LRP2: variants seen among roughly 807,000 people sequenced by gnomAD.
LRP2 encodes the protein LDL receptor related protein 2, also known as low-density lipoprotein receptor-related protein 2.
In LRP2, 172 loss-of-function variants were observed where a neutral mutation model predicts 531.0. The ratio of observed to expected loss-of-function variants is 0.32; its 90% CI spans 0.29 to 0.37. LRP2 has a LOEUF of 0.37. Ranked by LOEUF, LRP2 falls within the 10% of genes least tolerant of loss-of-function variation. LRP2 has a pLI of 1.00. For missense variants in LRP2, 5,167 were observed against 5,868.3 expected, an observed-to-expected ratio of 0.88 and a Z score of 3.90; for synonymous variants, 1,992 against 2,027.6, an observed-to-expected ratio of 0.98 and a Z score of 0.47.
In LRP2 at chr2:169,202,783, C is replaced by T. The variant is rs952565152; in HGVS notation, c.8182G>A (p.Gly2728Ser). The T allele has an allele frequency of 6.2e-7, 1 of 1,614,070 alleles. No individual in the cohort carries two copies. The highest frequency in any genetic ancestry group is 1.3e-5 in the African/African-American group (1 of 74,920). Residue 2728 changes from glycine to serine, a missense_variant, in exon 43 of 79, where the codon GGC (glycine) becomes AGC (serine). Around this residue, in one of 6 missense-constraint regions of LRP2, gnomAD observed 1,129 missense variants for 1,362.7 expected, o/e 0.83. Coordinates refer to ENST00000649046, the MANE Select transcript of LRP2 (RefSeq NM_004525.3). ...KCDNDNDCGD[G>S]SDEMESVCAL... is the part of the protein sequence containing the mutation. ...CAGACACTTTCCATCTCATCACTGCCATCCCCACAGTCGTTGTCATTATCA... is the reference window on the plus strand; with the variant it reads ...CAGACACTTTCCATCTCATCACTGCTATCCCCACAGTCGTTGTCATTATCA...
intron 76 of LRP2, among the ~76,000 whole-genome samples, chr2:169,133,642 T>C (rs138773629): frequency 2.0e-5 from 3 of 152,316 alleles, no homozygotes; most frequent in Non-Finnish European, 4.4e-5. Context: ...AAGGCCATAG[T>C]TGTTGTGACA....
chr2:169,139,233 C>T lies in LRP2; in HGVS notation c.13388+18G>A, dbSNP rs771439996. ...TTCTTAGGCTTCAAACATCAACGTT[C>T]CCCATAATGAAACTGACCTTGGCAG... On this transcript the variant is annotated intron_variant, in intron 74 of 78. Coordinates refer to ENST00000649046, the MANE Select transcript of LRP2 (RefSeq NM_004525.3). The T allele has an allele frequency of 1.3e-5, 21 of 1,614,000 alleles. No homozygotes were observed. Among genetic ancestry groups the T allele is most frequent in the Non-Finnish European group, 1.7e-5 (20 of 1,179,986 alleles).
intron 67 of LRP2, 99 bp downstream of exon 67, chr2:169,152,700 C>T (rs1686188336): frequency 2.2e-6 from 3 of 1,372,118 alleles, no homozygotes; most frequent in Non-Finnish European, 3.1e-6. Flanking sequence ...TGAGTGTACT[C>T]ATATCCAGGC....
chr2:169,263,413 A>G (rs1217688583), intron 16 of LRP2, among the ~76,000 whole-genome samples: 1 of 151,162 alleles, frequency 6.6e-6, no homozygotes, highest in Non-Finnish European at 1.5e-5. Context: ...AAAACAAACA[A>G]CCCCATCAAA....
chr2:169,186,755 T>A (rs1276147974), intron 49 of LRP2, among the ~76,000 whole-genome samples: 1 of 152,154 alleles, frequency 6.6e-6, no homozygotes, highest in Non-Finnish European at 1.5e-5. Flanking sequence ...GTTGTAAGAG[T>A]GAATGTTTCA....
intron 1 of LRP2, among the ~76,000 whole-genome samples, chr2:169,339,752 A>G (rs1337904339): frequency 6.6e-6 from 1 of 152,188 alleles, no homozygotes; most frequent in Non-Finnish European, 1.5e-5. Flanking sequence ...ATAAATTTGG[A>G]AATTGTTTCT....
intron 75 of LRP2, 43 bp downstream of exon 75, chr2:169,138,534 A>G (rs760285324): frequency 5.6e-5 from 90 of 1,607,856 alleles, no homozygotes; most frequent in Non-Finnish European, 7.1e-5. Flanking sequence ...TATTTATTCT[A>G]TAAATGACAA....
chr2:169,308,197 C>A (rs1180790378), intron 3 of LRP2, among the ~76,000 whole-genome samples: 1 of 151,742 alleles, frequency 6.6e-6, no homozygotes, highest in African/African-American at 2.4e-5. Flanking sequence ...TCAATTTTTA[C>A]AAAACTTCTT....
chr2:169,235,529 G>A (rs1467514499), intron 29 of LRP2, among the ~76,000 whole-genome samples: 4 of 152,156 alleles, frequency 2.6e-5, no homozygotes, highest in Admixed American at 6.5e-5. Context: ...GTGAGCCACC[G>A]CGCCCGGCCA....
In LRP2 at chr2:169,241,335, T is replaced by G. The variant is rs758746494; in HGVS notation, c.3698A>C (p.Asp1233Ala). Reference protein sequence around the residue: ...PTRPPGMCHSDEFQCQEDGIC... With the variant: ...PTRPPGMCHSAEFQCQEDGIC... The stretch of plus-strand genomic sequence containing the variant: ...ACCATCTTCTTGGCACTGAAATTCA[T>G]CTGAGTGGCACATACCAGGAGGCCT... The change falls in exon 25 of 79, where the codon GAT (aspartate) becomes GCT (alanine). Residue 1233 changes from aspartate to alanine, a missense_variant. Physicochemically the swap from Asp to Ala is moderately radical, Grantham distance 126. Around this residue, in one of 6 missense-constraint regions of LRP2, gnomAD observed 2,811 missense variants for 3,058.0 expected, o/e 0.92. Coordinates refer to ENST00000649046, the MANE Select transcript of LRP2 (RefSeq NM_004525.3). The G allele has an allele frequency of 1.2e-6, 2 of 1,614,220 alleles. No individual in the cohort carries two copies. Among genetic ancestry groups the G allele is most frequent in the Non-Finnish European group, 1.7e-6 (2 of 1,180,032 alleles).
intron 54 of LRP2, among the ~76,000 whole-genome samples, chr2:169,176,155 A>G (rs1048530917): frequency 2.6e-5 from 4 of 152,232 alleles, no homozygotes; most frequent in Non-Finnish European, 5.9e-5. Context: ...ACAATTAGAA[A>G]TGAGAAATAT....
At chr2:169,310,318 G>T (rs181069487) in intron 3 of LRP2, among the ~76,000 whole-genome samples, 22 of 152,208 alleles carry the variant, frequency 1.4e-4, no homozygotes, top group South Asian at 8.3e-4. Flanking sequence ...GCCCATTCAG[G>T]ATGATATTGG....
At chr2:169,298,779 T>C (rs1169271749) in intron 4 of LRP2, among the ~76,000 whole-genome samples, 1 of 151,566 alleles carries the variant, frequency 6.6e-6, no homozygotes, top group Non-Finnish European at 1.5e-5. Flanking sequence ...AAAATAACTT[T>C]CCAGAAGGAG....
In LRP2 at chr2:169,150,976, A is replaced by G; in HGVS notation, c.12512T>C (p.Leu4171Pro). The G allele has an allele frequency of 1.9e-6, 3 of 1,614,126 alleles. No individual in the cohort carries two copies. Among genetic ancestry groups the G allele is most frequent in the Non-Finnish European group, 2.5e-6 (3 of 1,179,970 alleles). Residue 4171 changes from leucine (L) to proline (P), a missense_variant, in exon 68 of 79, where the codon CTT (leucine) becomes CCT (proline). Leu to Pro is a moderately conservative substitution (Grantham distance 98). Transcript: ENST00000649046. ...VKNKRIEVAK[L>P]DGRYRKWLIS... Reference sequence around the variant, plus strand: ...CAGCCACTTTCTGTACCTTCCATCAAGTTTAGCCACCTCAATGCGTTTATT... The same window carrying G: ...CAGCCACTTTCTGTACCTTCCATCAGGTTTAGCCACCTCAATGCGTTTATT...
At chr2:169,248,829 C>A (rs1305992623) in intron 19 of LRP2, among the ~76,000 whole-genome samples, 2 of 127,496 alleles carry the variant, frequency 1.6e-5, no homozygotes, top group East Asian at 4.2e-4. Flanking sequence ...CTGGGAAGCG[C>A]AAGGGGTCAG....
chr2:169,209,996 AAAG>A (rs148791993), intron 37 of LRP2, among the ~76,000 whole-genome samples: 2,060 of 152,338 alleles, frequency 0.014, 54 homozygotes, highest in East Asian at 0.089. Flanking sequence ...TAAAACATCA[AAAG>A]AAGGATTACA....
intron 9 of LRP2, among the ~76,000 whole-genome samples, chr2:169,285,304 G>A (rs1356718116): frequency 6.6e-6 from 1 of 151,676 alleles, no homozygotes; most frequent in African/African-American, 2.4e-5. Flanking sequence ...AAAAAAACAG[G>A]ATTTGAATGA....
At chr2:169,168,758 C>A (rs1686883201) in intron 60 of LRP2, 82 bp from the exon 61 acceptor site, 3 of 1,489,692 alleles carry the variant, frequency 2.0e-6, no homozygotes, top group Admixed American at 1.7e-5. Flanking sequence ...TCTCCTTTGG[C>A]TCTTGCCATT....
At chr2:169,340,806 T>A (rs925184537) in intron 1 of LRP2, among the ~76,000 whole-genome samples, 1 of 152,122 alleles carries the variant, frequency 6.6e-6, no homozygotes. Context: ...GAGCCCAGAG[T>A]AGAGCATGCC....
Sources: gnomAD v4.1 joint callset for allele counts (sites outside exome capture counted in the v4.1 genomes callset) on GRCh38, gnomAD v4.1.1 for gene constraint, gnomAD v4.1.1 regional missense constraint, MANE v1.5 for transcripts, NCBI Gene and HGNC (gene_info 2026-07-23, HGNC 2026-07-21) for gene names.